Variants in WDR33 observed in about 807,000 individuals in gnomAD.
The protein encoded by WDR33 is WD repeat domain 33, also known as pre-mRNA 3' end processing protein WDR33.
In WDR33, 47 loss-of-function variants were observed where a neutral mutation model predicts 164.9. That is an observed-to-expected ratio of 0.29 (90% CI 0.23 to 0.36). The LOEUF (loss-of-function observed/expected upper bound fraction) is 0.36, where lower values mean the gene tolerates loss of function less well. Among genes scored for constraint, WDR33 ranks in the 10% least tolerant of loss-of-function variants. WDR33 has a pLI of 1.00. For missense variants in WDR33, 1,137 were observed against 1,754.1 expected (o/e 0.65, Z 6.28); for synonymous variants, 505 against 589.0 (o/e 0.86, Z 2.06).
intron 7 of WDR33, among the ~76,000 whole-genome samples, chr2:127,744,391 CATGCAGTCAAAAAGACTGGGGTAGTAATG>C (rs1687110753): frequency 6.6e-6 from 1 of 152,142 alleles, no homozygotes; most frequent in Non-Finnish European, 1.5e-5. Flanking sequence ...ACAGTAGATA[CATGCAGTCAAAAAGACTGGGGTAGTAATG>C]ATGCAGAAAA....
chr2:127,793,467 A>G (rs1032869897), intron 1 of WDR33, among the ~76,000 whole-genome samples: 1 of 152,036 alleles, frequency 6.6e-6, no homozygotes, highest in African/African-American at 2.4e-5. Flanking sequence ...TAGTCCAGGC[A>G]AGGTGGGTCA....
chr2:127,789,604 T>G (rs1187454569), intron 1 of WDR33, among the ~76,000 whole-genome samples: 1 of 148,960 alleles, frequency 6.7e-6, no homozygotes, highest in Admixed American at 6.7e-5. Flanking sequence ...GGCAGGAGAA[T>G]CAGGCAGGGA....
At position 127,709,339 on chromosome 2, in the gene WDR33, C is replaced by G; in HGVS notation, c.3565+151G>C. ...TGCTCTGCATTCCACCTGCTGAGAT[C>G]AAGTGCTGCGGCTGCAGGACAGGAG... On this transcript the variant is annotated intron_variant, in intron 20 of 21. Coordinates refer to ENST00000322313, the MANE Select transcript of WDR33 (RefSeq NM_018383.5). This position sits in a 1 kb window ranked among gnomAD's most constrained non-coding sequence, Gnocchi z 5.0. The G allele has an allele frequency of 1.4e-6, 1 of 716,190 alleles. No homozygotes were observed. The highest frequency in any genetic ancestry group is 1.7e-5 in the South Asian group (1 of 58,704). 44.4% of individuals were successfully genotyped at this position (716,190 alleles called of 1,614,324 possible).
At chr2:127,796,887 T>C (rs1573476858) in intron 1 of WDR33, among the ~76,000 whole-genome samples, 1 of 152,142 alleles carries the variant, frequency 6.6e-6, no homozygotes, top group East Asian at 1.9e-4. Flanking sequence ...CAAAAAATAA[T>C]TAACCGGAAA....
At position 127,713,664 on chromosome 2, in the gene WDR33, G is replaced by A; in HGVS notation, c.3227C>T (p.Ala1076Val). Residue 1076 changes from alanine to valine, a missense_variant, in exon 18 of 22, where the codon GCA becomes GTA. Physicochemically the swap from Ala to Val is moderately conservative, Grantham distance 64 (BLOSUM62 0). This residue lies in a region of WDR33 where 867 missense variants were observed against 1,073.0 expected (regional missense o/e 0.81). Coordinates refer to ENST00000322313, the MANE Select transcript of WDR33 (RefSeq NM_018383.5). The surrounding 1 kb of genome is among the most constrained non-coding windows in gnomAD (Gnocchi z 6.2). ...GRGAARGPPGAWEGRRPGDER... is the reference protein window; with the variant it reads ...GRGAARGPPGVWEGRRPGDER... ...ATCTCCGGGCCTGCGGCCTTCCCAT[G>A]CCCCCGGAGGGCCTCGGGCTGCACC... 6.2e-7 allele frequency: 1 copy of A among 1,614,216 alleles called. No individual in the cohort carries two copies. Among genetic ancestry groups the A allele is most frequent in the Non-Finnish European group, 8.5e-7 (1 of 1,180,028 alleles).
At chr2:127,757,680 CTGGGGAG>C (rs1687557535) in intron 7 of WDR33, among the ~76,000 whole-genome samples, 3 of 152,188 alleles carry the variant, frequency 2.0e-5, no homozygotes, top group Admixed American at 2.0e-4. Flanking sequence ...AAACAGAATT[CTGGGGAG>C]TGTTTTGTAA....
chr2:127,767,640 G>A (rs558320024), intron 4 of WDR33, among the ~76,000 whole-genome samples: 10 of 152,050 alleles, frequency 6.6e-5, no homozygotes, highest in East Asian at 1.9e-4. Context: ...GCGTGAACCC[G>A]GGGGGCGGAG....
intron 1 of WDR33, among the ~76,000 whole-genome samples, chr2:127,773,404 GAAT>G (rs554341623): frequency 2.9e-4 from 39 of 134,628 alleles, no homozygotes; most frequent in Non-Finnish European, 4.6e-4. Flanking sequence ...CATTAAATTT[GAAT>G]AATAATAACA....
chr2:127,767,123 T>C (rs1339209249), intron 4 of WDR33, among the ~76,000 whole-genome samples: 1 of 152,188 alleles, frequency 6.6e-6, no homozygotes, highest in African/African-American at 2.4e-5. Flanking sequence ...GAGTTCAGAC[T>C]GACATCTCTC....
rs1686326075 is a variant in WDR33 at position 127,717,325 on chromosome 2, T to C, written c.2761-62A>G. The C allele has an allele frequency of 3.0e-6, 4 of 1,345,310 alleles. No individual in the cohort carries two copies. Among genetic ancestry groups the C allele is most frequent in the South Asian group, 2.8e-5 (2 of 71,450 alleles). 83.3% of individuals were successfully genotyped at this position (1,345,310 alleles called of 1,614,324 possible). A position where few individuals can be genotyped will look rare whatever the true frequency, so the allele number is the denominator to read the frequency against. Reference sequence around the variant, plus strand: ...CAGGCTTGAGCTACATAAATAGTGATTGCATTATAACATGACAAGATAAAA... The same window carrying C: ...CAGGCTTGAGCTACATAAATAGTGACTGCATTATAACATGACAAGATAAAA... On this transcript the variant is annotated intron_variant, in intron 16 of 21. Coordinates refer to ENST00000322313, the MANE Select transcript of WDR33 (RefSeq NM_018383.5). The surrounding 1 kb of genome is among the most constrained non-coding windows in gnomAD (Gnocchi z 5.6).
chr2:127,806,291 T>A (rs1230085949), intron 1 of WDR33, among the ~76,000 whole-genome samples: 1 of 145,830 alleles, frequency 6.9e-6, no homozygotes, highest in African/African-American at 2.5e-5. Context: ...CACTACAACC[T>A]CCACCTCCTG....
At chr2:127,711,923 C>G (rs944270961) in intron 18 of WDR33, among the ~76,000 whole-genome samples, 3 of 150,916 alleles carry the variant, frequency 2.0e-5, no homozygotes, top group African/African-American at 7.3e-5. Context: ...CAGGCACGCA[C>G]CACCATGCCC....
intron 1 of WDR33, among the ~76,000 whole-genome samples, chr2:127,782,209 C>A (rs1688395380): frequency 6.6e-6 from 1 of 152,000 alleles, no homozygotes; most frequent in Non-Finnish European, 1.5e-5. Context: ...CAATTCACGA[C>A]CAGCCTGACC....
intron 1 of WDR33, among the ~76,000 whole-genome samples, chr2:127,803,228 C>A (rs1165980659): frequency 6.6e-6 from 1 of 152,108 alleles, no homozygotes; most frequent in African/African-American, 2.4e-5. Flanking sequence ...CATTATAAAT[C>A]TGACTCTGTT....
chr2:127,726,793 T>C lies in WDR33; in HGVS notation c.725-16A>G. On this transcript the variant is annotated splice_polypyrimidine_tract_variant and intron_variant, in intron 7 of 21. Transcript: ENST00000322313. This position sits in a 1 kb window ranked among gnomAD's most constrained non-coding sequence, Gnocchi z 4.8. Reference sequence around the variant, plus strand: ...GCACCATGCCCTGTCGGAAACAAGTTAGGATTAAAACCTAATTAGTTACAT... The same window carrying C: ...GCACCATGCCCTGTCGGAAACAAGTCAGGATTAAAACCTAATTAGTTACAT... 1 of 1,613,574 alleles carries C rather than the reference T, an allele frequency of 6.2e-7. No homozygotes were observed. The highest frequency in any genetic ancestry group is 2.2e-5 in the East Asian group (1 of 44,884).
intron 1 of WDR33, among the ~76,000 whole-genome samples, chr2:127,803,561 G>C (rs561470785): frequency 8.2e-4 from 125 of 152,140 alleles, no homozygotes; most frequent in South Asian, 1.0e-3. Flanking sequence ...GAGGGAGACT[G>C]TCTCAAAAAA....
In WDR33 at chr2:127,726,677, G is replaced by C. The variant is rs1216838917; in HGVS notation, c.825C>G (p.Pro275=). 3.1e-6 allele frequency: 5 copies of C among 1,614,154 alleles called. No homozygotes were observed. In the East Asian group the frequency reaches 1.1e-4, roughly 36 times the overall value. ...GTGTTGCAAGACTCTGCCCAGTCTT[G>C]GGATCCCAGAACTTGATTGGCTGTT... ...DSQQPIKFWD[P]KTGQSLATLH... Residue 275 remains proline (P), a synonymous_variant, in exon 8 of 22, where the codon CCC becomes CCG. Transcript: ENST00000322313. The surrounding 1 kb of genome is among the most constrained non-coding windows in gnomAD (Gnocchi z 4.8).
rs1686456800 is a variant in WDR33, at chr2:127,722,136, T to C, written c.1519-148A>G. On this transcript the variant is annotated intron_variant, in intron 14 of 21. Coordinates refer to ENST00000322313, the MANE Select transcript of WDR33 (RefSeq NM_018383.5). The surrounding 1 kb of genome is among the most constrained non-coding windows in gnomAD (Gnocchi z 5.1). ...ACCTTTTCTCCATGACTCAAGTACATGACTCATGCTAATTCTTACTGACAT... is the reference window on the plus strand; with the variant it reads ...ACCTTTTCTCCATGACTCAAGTACACGACTCATGCTAATTCTTACTGACAT... 1 of 906,608 alleles carries C rather than the reference T, an allele frequency of 1.1e-6. No homozygotes were observed. Among genetic ancestry groups the C allele is most frequent in the Admixed American group, 2.9e-5 (1 of 34,118 alleles). The allele number at this position is 906,608 out of a possible 1,614,324, so 56.2% of individuals were successfully genotyped here. A position where few individuals can be genotyped will look rare whatever the true frequency, so the allele number is the denominator to read the frequency against.
intron 1 of WDR33, among the ~76,000 whole-genome samples, chr2:127,776,195 G>T (rs1688177852): frequency 6.6e-6 from 1 of 152,118 alleles, no homozygotes; most frequent in Non-Finnish European, 1.5e-5. Context: ...ACAGACAAAA[G>T]AATGACCATG....
Sources: gnomAD v4.1 joint callset for allele counts (sites outside exome capture counted in the v4.1 genomes callset) on GRCh38, gnomAD v4.1.1 for gene constraint, gnomAD v4.1.1 regional missense constraint, Gnocchi (gnomAD v3.1) non-coding constraint, MANE v1.5 for transcripts, NCBI Gene and HGNC (gene_info 2026-07-23, HGNC 2026-07-21) for gene names.